Variants in CDKN2B-AS1 observed in about 807,000 individuals in gnomAD.
The protein encoded by CDKN2B-AS1 is CDKN2B and CDKN2A antisense cis and trans regulatory RNA 1, also known as CDKN2B antisense RNA 1 (non-protein coding).
intron 4 of CDKN2B-AS1, among the ~76,000 whole-genome samples, chr9:22,077,482 A>G (rs1824540387): frequency 6.6e-6 from 1 of 152,230 alleles, no homozygotes; most frequent in Admixed American, 6.5e-5. Flanking sequence ...CCAATAACTG[A>G]ATTAAATATC....
At chr9:22,076,508 A>G (rs188520985) in intron 4 of CDKN2B-AS1, among the ~76,000 whole-genome samples, 5 of 152,330 alleles carry the variant, frequency 3.3e-5, no homozygotes, top group Non-Finnish European at 5.9e-5. Flanking sequence ...AATTTTAAAA[A>G]TATATTTTAA....
At chr9:22,050,765 A>T (rs962768361) in intron 3 of CDKN2B-AS1, among the ~76,000 whole-genome samples, 1 of 152,096 alleles carries the variant, frequency 6.6e-6, no homozygotes, top group African/African-American at 2.4e-5. Context: ...GAAGCTCCTT[A>T]TGCTAACTCA....
chr9:22,127,896 T>C (rs150989521), exon 5 of CDKN2B-AS1, among the ~76,000 whole-genome samples: 1 of 152,224 alleles, frequency 6.6e-6, no homozygotes, highest in Non-Finnish European at 1.5e-5. Flanking sequence ...AGTAGAGTGG[T>C]GAAATAAGAG....
chr9:22,106,417 A>G (rs1476063072), intron 4 of CDKN2B-AS1, among the ~76,000 whole-genome samples: 1 of 152,092 alleles, frequency 6.6e-6, no homozygotes, highest in Non-Finnish European at 1.5e-5. Context: ...GGATTACACC[A>G]TGTTGACCAG....
chr9:22,086,874 T>C (rs978026933), intron 4 of CDKN2B-AS1, among the ~76,000 whole-genome samples: 1 of 152,260 alleles, frequency 6.6e-6, no homozygotes, highest in Non-Finnish European at 1.5e-5. Flanking sequence ...TTATTTGTGA[T>C]TCTGAATAAT....
intron 4 of CDKN2B-AS1, among the ~76,000 whole-genome samples, chr9:22,099,860 G>A (rs988803540): frequency 3.9e-5 from 6 of 152,166 alleles, no homozygotes; most frequent in Admixed American, 2.0e-4. Flanking sequence ...TGCATAAAGC[G>A]TCTCTAGAAT....
chr9:22,067,919 C>A (rs1824127419), intron 4 of CDKN2B-AS1, among the ~76,000 whole-genome samples: 1 of 152,168 alleles, frequency 6.6e-6, no homozygotes, highest in Non-Finnish European at 1.5e-5. Context: ...GTCTTTCTCT[C>A]ATTCTCTTCT....
At chr9:22,021,658 C>T (rs1398386785) in intron 1 of CDKN2B-AS1, among the ~76,000 whole-genome samples, 1 of 151,800 alleles carries the variant, frequency 6.6e-6, no homozygotes, top group African/African-American at 2.4e-5. Flanking sequence ...TGAGACTTTG[C>T]TGAAGTTGTT....
intron 1 of CDKN2B-AS1, among the ~76,000 whole-genome samples, chr9:22,033,551 GCTGT>G (rs1344253378): frequency 6.6e-6 from 1 of 152,076 alleles, no homozygotes; most frequent in Admixed American, 6.6e-5. Flanking sequence ...TAAAAACAAG[GCTGT>G]CTATAAAGCA....
chr9:22,043,075 A>G lies in CDKN2B-AS1; in HGVS notation n.30-3676A>G, dbSNP rs1437065316. ...TCCATCCCCCAAATTTTAAGGAGCT[A>G]TCAGGTCTGTATTTTATTTGGTTTT... On this transcript the variant is annotated intron_variant and non_coding_transcript_variant, in intron 1 of 4. Transcript: ENST00000650946. 2.6e-5 allele frequency among the ~76,000 whole-genome samples: 4 copies of G among 152,170 alleles called. No individual in the cohort carries two copies. The East Asian group carries it at 7.7e-4, about 29-fold the overall frequency.
At chr9:22,027,344 C>T (rs1174341954) in intron 1 of CDKN2B-AS1, among the ~76,000 whole-genome samples, 1 of 152,074 alleles carries the variant, frequency 6.6e-6, no homozygotes, top group Non-Finnish European at 1.5e-5. Flanking sequence ...GAACATATCT[C>T]ATGAAATAAA....
At chr9:22,033,788 C>T (rs763345613) in intron 1 of CDKN2B-AS1, among the ~76,000 whole-genome samples, 3 of 152,176 alleles carry the variant, frequency 2.0e-5, no homozygotes, top group Non-Finnish European at 4.4e-5. Context: ...GTAAGAATAA[C>T]GCTGGTGTTT....
chr9:22,074,184 T>C (rs1390106859), intron 4 of CDKN2B-AS1, among the ~76,000 whole-genome samples: 1 of 152,152 alleles, frequency 6.6e-6, no homozygotes, highest in Non-Finnish European at 1.5e-5. Context: ...TCAATAAAAT[T>C]TGAGGTCCTA....
chr9:22,109,387 C>T (rs559091026), intron 4 of CDKN2B-AS1, among the ~76,000 whole-genome samples: 2 of 152,238 alleles, frequency 1.3e-5, no homozygotes, highest in African/African-American at 2.4e-5. Flanking sequence ...TGGAATAAAT[C>T]GCTGTCTCCC....
intron 4 of CDKN2B-AS1, among the ~76,000 whole-genome samples, chr9:22,126,574 C>CTTTTTTTTTTTTTTTTTTTTTTTT (rs34700018): frequency 1.9e-5 from 2 of 104,890 alleles, no homozygotes; most frequent in African/African-American, 7.9e-5. Flanking sequence ...TAAGTGGATT[C>CTTTTTTTTTTTTTTTTTTTTTTTT]TTTTTTTTTT....
At chr9:22,082,657 T>A (rs1269767887) in intron 4 of CDKN2B-AS1, among the ~76,000 whole-genome samples, 1 of 152,206 alleles carries the variant, frequency 6.6e-6, no homozygotes, top group Non-Finnish European at 1.5e-5. Context: ...ACTTTATTTT[T>A]AAGGAGGAGC....
At chr9:22,029,357 C>T in intron 1 of CDKN2B-AS1, 1 of 759,330 alleles carries the variant, frequency 1.3e-6, no homozygotes, top group Non-Finnish European at 2.5e-6. Flanking sequence ...AATGGGATTC[C>T]TGATGGAATG....
chr9:22,102,609 C>A (rs1825522866), intron 4 of CDKN2B-AS1, among the ~76,000 whole-genome samples: 1 of 152,066 alleles, frequency 6.6e-6, no homozygotes, highest in Admixed American at 6.5e-5. Flanking sequence ...CCTCTGTTTT[C>A]GTATGGCCTT....
At position 22,092,723 on chromosome 9, in the gene CDKN2B-AS1, A is replaced by G. The variant is rs182004388; in HGVS notation, n.439-34380A>G. The stretch of plus-strand genomic sequence containing the variant: ...TTGATTCTTCTCTCTTTTCTTCTTT[A>G]TTAATCTTGCTAGTGGTCTATCAAT... On this transcript the variant is annotated intron_variant and non_coding_transcript_variant, in intron 4 of 4. Transcript: ENST00000650946. 9.8e-3 allele frequency among the ~76,000 whole-genome samples: 1,492 copies of G among 151,968 alleles called. 28 individuals are homozygous for G. The highest frequency in any genetic ancestry group is 0.033 in the African/African-American group (1,363 of 41,416).
Sources: allele counts gnomAD v4.1 joint callset (sites outside exome capture counted in the v4.1 genomes callset), GRCh38; gene constraint gnomAD v4.1.1; transcripts MANE v1.5; gene names NCBI Gene and HGNC (gene_info 2026-07-23, HGNC 2026-07-21).